SLK: variants seen among roughly 807,000 people sequenced by gnomAD.
The protein encoded by SLK is STE20-like serine/threonine-protein kinase.
Under a neutral mutation model 147.7 loss-of-function variants are expected in SLK, and 67 were observed. That is an observed-to-expected ratio of 0.45 (90% CI 0.37 to 0.56). SLK has a LOEUF of 0.56. SLK is among the 20% of genes least tolerant of loss of function. The pLI is 0.00. For missense variants in SLK, 1,136 were observed against 1,438.8 expected, an observed-to-expected ratio of 0.79 and a Z score of 3.41; for synonymous variants, 441 against 475.0, an observed-to-expected ratio of 0.93 and a Z score of 0.93.
intron 1 of SLK, among the ~76,000 whole-genome samples, chr10:103,971,335 C>A (rs923565892): frequency 6.6e-6 from 1 of 152,060 alleles, no homozygotes; most frequent in African/African-American, 2.4e-5. Flanking sequence ...AGTGCTGTGG[C>A]GCAATCTCGG....
Position 103,967,775 on chromosome 10 carries a change from C to A in SLK, c.30C>A (p.Phe10Leu). The stretch of plus-strand genomic sequence containing the variant: ...CCTTCTTCAATTTCCGTAAGATCTT[C>A]AAGTTGGGGAGCGAGAAGAAGAAGA... MSFFNFRKI[F>L]KLGSEKKKKQ... Residue 10 changes from phenylalanine (F) to leucine (L), a missense_variant, in exon 1 of 19, where the codon TTC becomes TTA. Coordinates refer to ENST00000369755, the MANE Select transcript of SLK (RefSeq NM_014720.4). 2 of 1,614,036 alleles carry A rather than the reference C, an allele frequency of 1.2e-6. No homozygotes were observed. Among genetic ancestry groups the A allele is most frequent in the South Asian group, 2.2e-5 (2 of 91,088 alleles).
chr10:103,993,258 G>T, intron 4 of SLK, 125 bp downstream of exon 4: 1 of 580,734 alleles, frequency 1.7e-6, no homozygotes, highest in Non-Finnish European at 2.8e-6. Flanking sequence ...ACTCCATGCT[G>T]GTTTTTAAAA....
intron 9 of SLK, among the ~76,000 whole-genome samples, chr10:104,004,689 T>C (rs965413473): frequency 1.3e-5 from 2 of 152,168 alleles, no homozygotes; most frequent in Non-Finnish European, 2.9e-5. Context: ...GAGTTTAGCA[T>C]TTTCACATTC....
At chr10:104,009,074 AG>A (rs1199212569) in intron 12 of SLK, among the ~76,000 whole-genome samples, 2 of 143,744 alleles carry the variant, frequency 1.4e-5, no homozygotes, top group Non-Finnish European at 3.0e-5. Flanking sequence ...TTGCTTCAGA[AG>A]GAAGATTTAC....
Position 104,003,494 on chromosome 10 carries a change from T to G in SLK, c.2316T>G (p.Ser772Arg), listed in dbSNP as rs748876030. ...DLNLSISSFL[S>R]KTKDSGSISL... ...ATTTATCCATCTCTAGCTTTCTAAG[T>G]AAAACTAAAGACAGTGGATCGATAT... Residue 772 changes from serine to arginine, a missense_variant, in exon 9 of 19, where the codon AGT (serine) becomes AGG (arginine). Transcript: ENST00000369755. 3 of 1,597,570 alleles carry G rather than the reference T, an allele frequency of 1.9e-6. No homozygotes were observed. Among genetic ancestry groups the G allele is most frequent in the Non-Finnish European group, 2.6e-6 (3 of 1,172,964 alleles).
Position 104,005,565 on chromosome 10 carries a change from C to T in SLK, c.2354C>T (p.Thr785Ile). Reference protein sequence around the residue: ...KDSGSISLQETRRQKKTLKKT... With the variant: ...KDSGSISLQEIRRQKKTLKKT... ...CTAAAATAAAATCTCACTCAGGAAA[C>T]AAGAAGACAAAAGAAAACATTGAAG... Residue 785 changes from threonine (T) to isoleucine (I), a missense_variant, in exon 10 of 19, where the codon ACA becomes ATA. Thr to Ile is a moderately conservative substitution (Grantham distance 89). Coordinates refer to ENST00000369755, the MANE Select transcript of SLK (RefSeq NM_014720.4). 1 of 1,603,754 alleles carries T rather than the reference C, an allele frequency of 6.2e-7. No individual in the cohort carries two copies.
chr10:103,980,202 T>C (rs1843923219), intron 1 of SLK, among the ~76,000 whole-genome samples: 1 of 151,914 alleles, frequency 6.6e-6, no homozygotes, highest in South Asian at 2.1e-4. Context: ...GTTAAATTTT[T>C]AGGAGAATTG....
At position 103,986,928 on chromosome 10, in the gene SLK, G is replaced by A. The variant is rs1054431116; in HGVS notation, c.151-3747G>A. ...CCTGACCTTGTGATCCGCCCGCCTT[G>A]GCCTCCCAAAGTGCTGGGATTACAG... is the stretch of plus-strand genomic sequence containing the variant. On this transcript the variant is annotated intron_variant, in intron 1 of 18. Coordinates refer to ENST00000369755, the MANE Select transcript of SLK (RefSeq NM_014720.4). 2.0e-5 allele frequency among the ~76,000 whole-genome samples: 3 copies of A among 152,022 alleles called. No homozygotes were observed. In the South Asian group the frequency reaches 6.2e-4, roughly 31 times the overall value.
chr10:104,000,747 G>T (rs1466647415), intron 7 of SLK, among the ~76,000 whole-genome samples: 3 of 152,098 alleles, frequency 2.0e-5, no homozygotes, highest in Non-Finnish European at 2.9e-5. Flanking sequence ...GGTTTATAGA[G>T]ATGGTTACTT....
chr10:103,993,799 G>A (rs1570646), intron 4 of SLK, among the ~76,000 whole-genome samples: 29,885 of 152,102 alleles, frequency 0.2, 3,179 homozygotes, highest in Non-Finnish European at 0.24. Context: ...GCTATTCAAA[G>A]GACAAAATAT....
chr10:103,971,835 C>G (rs1262386179), intron 1 of SLK, among the ~76,000 whole-genome samples: 4 of 152,174 alleles, frequency 2.6e-5, no homozygotes, highest in Non-Finnish European at 5.9e-5. Flanking sequence ...TAACAACTGT[C>G]AGTGTCAAGG....
intron 1 of SLK, among the ~76,000 whole-genome samples, chr10:103,990,172 C>T (rs1306242018): frequency 2.0e-5 from 3 of 152,006 alleles, no homozygotes; most frequent in African/African-American, 7.2e-5. Context: ...CAGTGGTTGC[C>T]AGGGGTTGGA....
At position 104,018,903 on chromosome 10, in the gene SLK, G is replaced by A. The variant is rs771092523; in HGVS notation, c.3127G>A (p.Glu1043Lys). 1.9e-6 allele frequency: 3 copies of A among 1,583,374 alleles called. No individual in the cohort carries two copies. The highest frequency in any genetic ancestry group is 1.7e-6 in the Non-Finnish European group (2 of 1,169,030). Residue 1043 changes from glutamate to lysine, a missense_variant, in exon 15 of 19, where the codon GAG becomes AAG. Around this residue, in one of 6 missense-constraint regions of SLK, gnomAD observed 327 missense variants for 457.5 expected, o/e 0.71. Coordinates refer to ENST00000369755, the MANE Select transcript of SLK (RefSeq NM_014720.4). ...MQRHQLLKRH[E>K]KETEQMQRYN... Reference sequence around the variant, plus strand: ...AAGACATCAGCTACTTAAGCGCCACGAGAAGGTTAATGAAAGGAAAATTTC... The same window carrying A: ...AAGACATCAGCTACTTAAGCGCCACAAGAAGGTTAATGAAAGGAAAATTTC...
intron 1 of SLK, among the ~76,000 whole-genome samples, chr10:103,984,605 G>A (rs1360165435): frequency 6.6e-6 from 1 of 152,188 alleles, no homozygotes; most frequent in South Asian, 2.1e-4. Flanking sequence ...GGTAGAGACA[G>A]TATTTCGCCA....
intron 1 of SLK, among the ~76,000 whole-genome samples, chr10:103,979,428 C>T (rs141553476): frequency 3.9e-4 from 59 of 152,310 alleles, no homozygotes; most frequent in African/African-American, 1.4e-3. Context: ...ATGGCTTATT[C>T]ACATTTAAAG....
intron 1 of SLK, among the ~76,000 whole-genome samples, chr10:103,979,260 G>C (rs1260720678): frequency 2.0e-5 from 3 of 152,136 alleles, no homozygotes; most frequent in Non-Finnish European, 4.4e-5. Context: ...TAAGCTATCC[G>C]CCTGCCTTGG....
chr10:104,015,986 C>T (rs1358408796), intron 13 of SLK, among the ~76,000 whole-genome samples: 5 of 151,780 alleles, frequency 3.3e-5, no homozygotes, highest in Non-Finnish European at 7.4e-5. Context: ...GATATTTTTG[C>T]AGGTTATGTT....
At chr10:103,971,661 A>G (rs1216268729) in intron 1 of SLK, among the ~76,000 whole-genome samples, 1 of 152,256 alleles carries the variant, frequency 6.6e-6, no homozygotes, top group Non-Finnish European at 1.5e-5. Context: ...TATTTTATCT[A>G]TTAAACCAGT....
intron 4 of SLK, among the ~76,000 whole-genome samples, chr10:103,997,048 T>C (rs931753961): frequency 6.6e-6 from 1 of 152,306 alleles, no homozygotes; most frequent in East Asian, 1.9e-4. Flanking sequence ...TTGCAGCAGT[T>C]AAAGTCTATA....
Sources: gnomAD v4.1 joint callset for allele counts (sites outside exome capture counted in the v4.1 genomes callset) on GRCh38, gnomAD v4.1.1 for gene constraint, gnomAD v4.1.1 regional missense constraint, MANE v1.5 for transcripts, NCBI Gene and HGNC (gene_info 2026-07-23, HGNC 2026-07-21) for gene names.